Variants in MLXIP observed in about 807,000 individuals in gnomAD.
MLXIP encodes MLX-interacting protein.
In MLXIP, 30 loss-of-function variants were observed where a neutral mutation model predicts 87.2. The ratio of observed to expected loss-of-function variants is 0.34; its 90% CI spans 0.26 to 0.47. The LOEUF is 0.47. MLXIP is among the 20% of genes least tolerant of loss of function. The pLI is 1.00. For missense variants in MLXIP, 1,002 were observed against 1,240.1 expected, an observed-to-expected ratio of 0.81 and a Z score of 2.88; for synonymous variants, 530 against 514.0, an observed-to-expected ratio of 1.03 and a Z score of -0.42.
chr12:122,088,487 A>C (rs1354163088), intron 1 of MLXIP, among the ~76,000 whole-genome samples: 1 of 152,142 alleles, frequency 6.6e-6, no homozygotes, highest in Non-Finnish European at 1.5e-5. Context: ...ATTCCATGTC[A>C]TCCGCCTTTA....
chr12:122,132,486 C>A (rs1593110763), intron 8 of MLXIP, 103 bp downstream of exon 8: 1 of 907,506 alleles, frequency 1.1e-6, no homozygotes, highest in Non-Finnish European at 1.7e-6. Flanking sequence ...GCCACACAGT[C>A]ACCAGCAAAG....
At chr12:122,094,512 T>G (rs1952314997) in intron 1 of MLXIP, among the ~76,000 whole-genome samples, 1 of 105,438 alleles carries the variant, frequency 9.5e-6, no homozygotes, top group South Asian at 3.3e-4. Flanking sequence ...GTGTGTGGTG[T>G]GTTGGTGTGT....
chr12:122,129,258 T>C (rs890795927), intron 4 of MLXIP, 32 bp downstream of exon 4: 19 of 1,566,466 alleles, frequency 1.2e-5, no homozygotes, highest in Non-Finnish European at 1.5e-5. Context: ...GCAGCCCGCC[T>C]AGGGAGGGAG....
intron 4 of MLXIP, 27 bp from the exon 5 acceptor site, chr12:122,129,561 C>A (rs554529662): frequency 6.2e-7 from 1 of 1,612,296 alleles, no homozygotes; most frequent in Admixed American, 1.7e-5. Flanking sequence ...CATTGGTGAC[C>A]GCCGTGTCCT....
In MLXIP at chr12:122,137,968, C is replaced by G. The variant is rs570222996; in HGVS notation, c.2155-226C>G. 2.2e-4 allele frequency among the ~76,000 whole-genome samples: 34 copies of G among 152,320 alleles called. No homozygotes were observed. The highest frequency in any genetic ancestry group is 4.8e-4 in the African/African-American group (20 of 41,576). On this transcript the variant is annotated intron_variant, in intron 12 of 16. Coordinates refer to ENST00000319080, the MANE Select transcript of MLXIP (RefSeq NM_014938.6). This position sits in a 1 kb window ranked among gnomAD's most constrained non-coding sequence, Gnocchi z 4.1. ...CTGGGATGCACCGGTTCAGCCCTGC[C>G]GTTCCCAGCCCCAGCTGTGCACCAT...
At chr12:122,094,744 T>C (rs1264871216) in intron 1 of MLXIP, among the ~76,000 whole-genome samples, 1 of 140,384 alleles carries the variant, frequency 7.1e-6, no homozygotes, top group Non-Finnish European at 1.5e-5. Context: ...GTGTGTGGTA[T>C]GTGTGGGTGT....
intron 1 of MLXIP, among the ~76,000 whole-genome samples, chr12:122,100,908 C>T (rs1044882100): frequency 9.9e-5 from 15 of 152,232 alleles, no homozygotes; most frequent in Admixed American, 6.5e-4. Context: ...CAGAATACTC[C>T]GAAGCCATTA....
rs770930961 is a variant in MLXIP, at chr12:122,133,574, G to A, written c.1319G>A (p.Ser440Asn). ...TTCACCATGCCCCTGCTGTCTCCCA[G>A]CCCCGCCCCACCGCCCATCTCCCCC... ...PVFTMPLLSP[S>N]PAPPPISPVL... The change falls in exon 9 of 17, where the codon AGC becomes AAC. Residue 440 changes from serine to asparagine, a missense_variant. Coordinates refer to ENST00000319080, the MANE Select transcript of MLXIP (RefSeq NM_014938.6). The surrounding 1 kb of genome is among the most constrained non-coding windows in gnomAD (Gnocchi z 4.9). 106 of 1,603,806 alleles carry A rather than the reference G, an allele frequency of 6.6e-5. 1 individual carries two copies. The highest frequency in any genetic ancestry group is 8.1e-5 in the Non-Finnish European group (95 of 1,175,558).
chr12:122,091,203 A>G (rs1296915610), intron 1 of MLXIP, among the ~76,000 whole-genome samples: 1 of 152,218 alleles, frequency 6.6e-6, no homozygotes, highest in East Asian at 1.9e-4. Context: ...GAAGTGCAAG[A>G]TCAGATGATC....
intron 2 of MLXIP, 40 bp downstream of exon 2, chr12:122,127,402 C>T (rs1188248254): frequency 2.0e-6 from 3 of 1,473,588 alleles, no homozygotes; most frequent in East Asian, 4.7e-5. Context: ...GTGGTCAGAA[C>T]TTCACGGCCT....
intron 1 of MLXIP, among the ~76,000 whole-genome samples, chr12:122,113,587 T>C (rs551795995): frequency 5.3e-5 from 8 of 152,068 alleles, no homozygotes; most frequent in African/African-American, 1.9e-4. Context: ...ATTTTTATCT[T>C]TATTTATATA....
chr12:122,135,170 G>A lies in MLXIP; in HGVS notation c.1733-54G>A. On this transcript the variant is annotated intron_variant, in intron 9 of 16. Transcript: ENST00000319080. This position sits in a 1 kb window ranked among gnomAD's most constrained non-coding sequence, Gnocchi z 5.3. ...GGCAGAGAGGCAGCCTCTGCAGGGT[G>A]GGCCAGGCCCTGTGGCCCAGGGCTG... is the stretch of plus-strand genomic sequence containing the variant. 1 of 1,599,254 alleles carries A rather than the reference G, an allele frequency of 6.3e-7. No homozygotes were observed. Among genetic ancestry groups the A allele is most frequent in the Non-Finnish European group, 8.5e-7 (1 of 1,173,562 alleles).
In MLXIP at chr12:122,146,987, CA is replaced by C. The variant is rs1231443023; in HGVS notation, c.*5176del. On this transcript the variant is annotated 3_prime_UTR_variant, in exon 17 of 17. Transcript: ENST00000319080. ...TTTCTCTAGCCGAATCTTTTTCGAA[CA>C]GCCCGGGAAAGGAAAACGGATTCAC... The C allele has an allele frequency of 6.6e-6, 1 of 152,254 alleles. No homozygotes were observed. The highest frequency in any genetic ancestry group is 1.5e-5 in the Non-Finnish European group (1 of 68,058). 9.4% of individuals were successfully genotyped at this position (152,254 alleles called of 1,614,324 possible).
At chr12:122,103,746 G>A (rs150430615) in intron 1 of MLXIP, among the ~76,000 whole-genome samples, 24,190 of 143,794 alleles carry the variant, frequency 0.17, 2,402 homozygotes, top group East Asian at 0.27. Flanking sequence ...GGTCAGGCTC[G>A]TCTTGAACTC....
intron 1 of MLXIP, among the ~76,000 whole-genome samples, chr12:122,110,558 A>C (rs1952589638): frequency 6.7e-6 from 1 of 150,344 alleles, no homozygotes; most frequent in African/African-American, 2.4e-5. Flanking sequence ...AAGTGCTGGG[A>C]TTACAGGTGT....
chr12:122,129,425 C>T (rs912203999), intron 4 of MLXIP, 163 bp from the exon 5 acceptor site: 4 of 424,600 alleles, frequency 9.4e-6, no homozygotes, highest in Non-Finnish European at 1.3e-5. Context: ...CTCTCAGTTT[C>T]CCCATCTGTG....
At position 122,135,301 on chromosome 12, in the gene MLXIP, G is replaced by A. The variant is rs554995104; in HGVS notation, c.1810G>A (p.Val604Met). The A allele has an allele frequency of 2.3e-5, 37 of 1,613,700 alleles. No individual in the cohort carries two copies. The highest frequency in any genetic ancestry group is 1.3e-4 in the East Asian group (6 of 44,880). Reference sequence around the variant, plus strand: ...GAGAGAAGGGATGTTGGCCTCCACCGTGTCCCAGTCCAACGTGGTCATTGC... The same window carrying A: ...GAGAGAAGGGATGTTGGCCTCCACCATGTCCCAGTCCAACGTGGTCATTGC... ...LKREGMLAST[V>M]SQSNVVIAPA... The change falls in exon 10 of 17, where the codon GTG becomes ATG. Residue 604 changes from valine (V) to methionine (M), a missense_variant. Around this residue, in one of 3 missense-constraint regions of MLXIP, gnomAD observed 746 missense variants for 897.0 expected, o/e 0.83. Coordinates refer to ENST00000319080, the MANE Select transcript of MLXIP (RefSeq NM_014938.6). The surrounding 1 kb of genome is among the most constrained non-coding windows in gnomAD (Gnocchi z 5.3).
In MLXIP at chr12:122,137,126, C is replaced by T. The variant is rs1161670686; in HGVS notation, c.2033-343C>T. ...ACCAGCCTAGACAATATAGTGAGAC[C>T]TTGGCTCTATAAAAAATGTTTTTTA... On this transcript the variant is annotated intron_variant, in intron 11 of 16. Transcript: ENST00000319080. This position sits in a 1 kb window ranked among gnomAD's most constrained non-coding sequence, Gnocchi z 4.1. 6.5e-6 allele frequency: 1 copy of T among 154,414 alleles called. No homozygotes were observed. Among genetic ancestry groups the T allele is most frequent in the Non-Finnish European group, 1.4e-5 (1 of 69,756 alleles). 9.6% of individuals were successfully genotyped at this position (154,414 alleles called of 1,614,324 possible). A position where few individuals can be genotyped will look rare whatever the true frequency, so the allele number is the denominator to read the frequency against.
chr12:122,103,965 G>A (rs541787601), intron 1 of MLXIP, among the ~76,000 whole-genome samples: 19 of 151,754 alleles, frequency 1.3e-4, no homozygotes, highest in African/African-American at 3.9e-4. Flanking sequence ...GTAAGCTACC[G>A]TGCCTGGCCA....
Sources: allele counts gnomAD v4.1 joint callset (sites outside exome capture counted in the v4.1 genomes callset), GRCh38; gene constraint gnomAD v4.1.1; regional missense constraint gnomAD v4.1.1; non-coding constraint Gnocchi (gnomAD v3.1); transcripts MANE v1.5; gene names NCBI Gene and HGNC (gene_info 2026-07-23, HGNC 2026-07-21).